Variants in SLAIN2 observed in about 807,000 individuals in gnomAD.
SLAIN2 encodes the protein SLAIN motif-containing protein 2.
A neutral mutation model predicts 56.6 loss-of-function variants in SLAIN2; 31 were observed. That is an observed-to-expected ratio of 0.55 (90% CI 0.41 to 0.74). SLAIN2 has a LOEUF of 0.74. Ranked by LOEUF, SLAIN2 falls within the 30% of genes least tolerant of loss-of-function variation. The pLI is 0.00. For synonymous variants in SLAIN2, 317 were observed against 284.9 expected, an observed-to-expected ratio of 1.11 and a Z score of -1.13; for missense variants, 777 against 754.2, an observed-to-expected ratio of 1.03 and a Z score of -0.35.
Position 48,375,302 on chromosome 4 carries a change from T to A in SLAIN2, c.539-2594T>A, listed in dbSNP as rs140970671. 4.9e-3 allele frequency among the ~76,000 whole-genome samples: 739 copies of A among 152,290 alleles called. 7 individuals are homozygous for A. The highest frequency in any genetic ancestry group is 0.017 in the African/African-American group (711 of 41,548). ...ACTAAATATATATAAAATATTGTTT[T>A]ATCTTGCATCTTGTCTCATGGTGAA... On this transcript the variant is annotated intron_variant, in intron 2 of 7. Transcript: ENST00000264313.
intron 6 of SLAIN2, among the ~76,000 whole-genome samples, chr4:48,392,024 G>A (rs1264070242): frequency 6.6e-6 from 1 of 152,014 alleles, no homozygotes; most frequent in Non-Finnish European, 1.5e-5. Context: ...AAATATTTTC[G>A]AACAGCCAAC....
At chr4:48,397,807 CATCT>C (rs1716442375) in intron 6 of SLAIN2, among the ~76,000 whole-genome samples, 1 of 152,148 alleles carries the variant, frequency 6.6e-6, no homozygotes, top group Admixed American at 6.6e-5. Context: ...CTTCCAACTC[CATCT>C]ATGTCCCTGC....
intron 6 of SLAIN2, among the ~76,000 whole-genome samples, chr4:48,418,476 C>A (rs746561010): frequency 5.3e-5 from 8 of 152,072 alleles, no homozygotes; most frequent in Non-Finnish European, 1.2e-4. Flanking sequence ...AATATTGAAC[C>A]AACCTTGCAT....
At chr4:48,348,137 T>C (rs567567047) in intron 1 of SLAIN2, among the ~76,000 whole-genome samples, 4 of 152,308 alleles carry the variant, frequency 2.6e-5, no homozygotes, top group East Asian at 1.9e-4. Flanking sequence ...TTATTACTTA[T>C]ATAACTAACT....
chr4:48,376,626 T>C (rs2109758104), intron 2 of SLAIN2, among the ~76,000 whole-genome samples: 1 of 140,936 alleles, frequency 7.1e-6, no homozygotes, highest in African/African-American at 2.6e-5. Flanking sequence ...TGACTTTTTT[T>C]TTTTTTTTTT....
rs1200116992 is a variant in SLAIN2, at chr4:48,396,316, C to A, written c.1360+12532C>A. On this transcript the variant is annotated intron_variant, in intron 6 of 7. Coordinates refer to ENST00000264313, the MANE Select transcript of SLAIN2 (RefSeq NM_020846.2). Reference sequence around the variant, plus strand: ...GGTGTGCTATTCTGTTTTGTTTAATCCCTTACTTATTTAAATTGATCCAGA... The same window carrying A: ...GGTGTGCTATTCTGTTTTGTTTAATACCTTACTTATTTAAATTGATCCAGA... Among the ~76,000 whole-genome samples the A allele has an allele frequency of 2.6e-5, 4 of 152,036 alleles. No individual in the cohort carries two copies. In the South Asian group the frequency reaches 6.2e-4, roughly 24 times the overall value.
chr4:48,342,063 G>T lies in SLAIN2; in HGVS notation c.324G>T (p.Glu108Asp). The T allele has an allele frequency of 7.2e-7, 1 of 1,382,112 alleles. No individual in the cohort carries two copies. Among genetic ancestry groups the T allele is most frequent in the Non-Finnish European group, 9.3e-7 (1 of 1,075,950 alleles). The allele number at this position is 1,382,112 out of a possible 1,614,324, so 85.6% of individuals were successfully genotyped here. ...CGGGCGAGGGCGGCTTGCTGGACGA[G>T]GTGGAGCCGCTGCGGCCCGACGAGC... ...LAAGEGGLLD[E>D]VEPLRPDELE... is the part of the protein sequence containing the mutation. Residue 108 changes from glutamate (E) to aspartate (D), a missense_variant, in exon 1 of 8, where the codon GAG becomes GAT. By Grantham distance (45) the Glu-to-Asp change is conservative (BLOSUM62 2). Transcript: ENST00000264313.
At position 48,383,756 on chromosome 4, in the gene SLAIN2, A is replaced by C; in HGVS notation, c.1332A>C (p.Ile444=). 3.7e-6 allele frequency: 6 copies of C among 1,612,074 alleles called. No individual in the cohort carries two copies. The highest frequency in any genetic ancestry group is 5.1e-6 in the Non-Finnish European group (6 of 1,178,752). The change falls in exon 6 of 8, where the codon ATA becomes ATC. Residue 444 remains isoleucine, a synonymous_variant. Transcript: ENST00000264313. ...DSNFQVPNGG[I]PRMQPQASAI... is the part of the protein sequence containing the mutation. ...ATTTTCAAGTGCCAAACGGAGGAAT[A>C]CCTCGTATGCAACCTCAGGCTTCAG... is the stretch of plus-strand genomic sequence containing the variant.
Position 48,423,796 on chromosome 4 carries a change from G to A in SLAIN2, c.*1719G>A, listed in dbSNP as rs1459680053. On this transcript the variant is annotated 3_prime_UTR_variant, in exon 8 of 8. Transcript: ENST00000264313. ...TATCCTTGAATTTGAGGGTGATGGGGTGGGTCAGGAAAGGATGGCGCCAGA... is the reference window on the plus strand; with the variant it reads ...TATCCTTGAATTTGAGGGTGATGGGATGGGTCAGGAAAGGATGGCGCCAGA... 3 of 152,126 alleles carry A rather than the reference G, an allele frequency of 2.0e-5. No individual in the cohort carries two copies. Among genetic ancestry groups the A allele is most frequent in the African/African-American group, 7.2e-5 (3 of 41,432 alleles). The allele number at this position is 152,126 out of a possible 1,614,324, so 9.4% of individuals were successfully genotyped here.
At chr4:48,394,888 A>G (rs1035487410) in intron 6 of SLAIN2, among the ~76,000 whole-genome samples, 1 of 152,134 alleles carries the variant, frequency 6.6e-6, no homozygotes. Flanking sequence ...TAGAGAATAT[A>G]TTTTTCTTAC....
At chr4:48,358,234 TA>T (rs1715215175) in intron 1 of SLAIN2, among the ~76,000 whole-genome samples, 1 of 152,158 alleles carries the variant, frequency 6.6e-6, no homozygotes, top group Non-Finnish European at 1.5e-5. Flanking sequence ...AGAGTTACTA[TA>T]TTTAAAACAC....
intron 1 of SLAIN2, among the ~76,000 whole-genome samples, chr4:48,345,568 A>G (rs1008781218): frequency 6.6e-6 from 1 of 152,088 alleles, no homozygotes; most frequent in South Asian, 2.1e-4. Flanking sequence ...AGCCTGAAGT[A>G]TCAACTTCTC....
chr4:48,368,447 T>C (rs557019036), intron 1 of SLAIN2, among the ~76,000 whole-genome samples: 128 of 152,258 alleles, frequency 8.4e-4, no homozygotes, highest in Admixed American at 2.0e-3. Flanking sequence ...GGGTAAATTA[T>C]GTAAAACCAG....
intron 2 of SLAIN2, among the ~76,000 whole-genome samples, chr4:48,371,564 T>G (rs560977631): frequency 6.6e-6 from 1 of 152,254 alleles, no homozygotes; most frequent in Admixed American, 6.5e-5. Context: ...ATTTCTGGCA[T>G]TAATGTACTT....
At chr4:48,367,191 G>A (rs560517832) in intron 1 of SLAIN2, among the ~76,000 whole-genome samples, 1 of 152,352 alleles carries the variant, frequency 6.6e-6, no homozygotes, top group East Asian at 1.9e-4. Flanking sequence ...AGGTTTAGAA[G>A]TATGTACTTT....
At chr4:48,344,214 G>A (rs534171002) in intron 1 of SLAIN2, among the ~76,000 whole-genome samples, 2 of 152,132 alleles carry the variant, frequency 1.3e-5, no homozygotes, top group Non-Finnish European at 2.9e-5. Flanking sequence ...CTTTTTCTGA[G>A]ATTTGTGTGA....
intron 4 of SLAIN2, 78 bp from the exon 5 acceptor site, chr4:48,382,490 T>G (rs1715993206): frequency 7.4e-7 from 1 of 1,349,214 alleles, no homozygotes; most frequent in South Asian, 1.9e-5. Flanking sequence ...TTTTCAGTGA[T>G]AATCTTTTAC....
At chr4:48,380,663 A>T (rs1486940780) in intron 4 of SLAIN2, among the ~76,000 whole-genome samples, 1 of 152,178 alleles carries the variant, frequency 6.6e-6, no homozygotes, top group Admixed American at 6.5e-5. Flanking sequence ...ATTTCATTAG[A>T]AGATGCCATC....
intron 3 of SLAIN2, among the ~76,000 whole-genome samples, chr4:48,379,098 G>C (rs1715903674): frequency 6.6e-6 from 1 of 152,070 alleles, no homozygotes; most frequent in Non-Finnish European, 1.5e-5. Flanking sequence ...TTTTGGATGT[G>C]TGTATTCTTT....
Sources: gnomAD v4.1 joint callset for allele counts (sites outside exome capture counted in the v4.1 genomes callset) on GRCh38, gnomAD v4.1.1 for gene constraint, MANE v1.5 for transcripts, NCBI Gene and HGNC (gene_info 2026-07-23, HGNC 2026-07-21) for gene names.